The following GLIS1 variants were observed in gnomAD, a reference collection of about 807,000 sequenced individuals.
GLIS1 encodes the protein GLIS family zinc finger 1.
GLIS1 carries 24 observed loss-of-function variants against 63.8 expected under a neutral mutation model. That is an observed-to-expected ratio of 0.38 (90% CI 0.27 to 0.53). The LOEUF (loss-of-function observed/expected upper bound fraction) is 0.53, where lower values mean the gene tolerates loss of function less well. GLIS1 is among the 20% of genes least tolerant of loss of function. The pLI is 0.85. For synonymous variants in GLIS1, 450 were observed against 482.5 expected (o/e 0.93, Z 0.88); for missense variants, 1,036 against 1,074.1 (o/e 0.96, Z 0.50).
chr1:53,520,763 G>A lies in GLIS1; in HGVS notation c.1597C>T (p.His533Tyr). 2 of 1,603,818 alleles carry A rather than the reference G, an allele frequency of 1.2e-6. No individual in the cohort carries two copies. The highest frequency in any genetic ancestry group is 1.3e-5 in the African/African-American group (1 of 74,894). The change falls in exon 7 of 11, where the codon CAT becomes TAT. Residue 533 changes from histidine to tyrosine, a missense_variant. Physicochemically the swap from His to Tyr is moderately conservative, Grantham distance 83. Transcript: ENST00000628545. ...TCGGCCTCGGTGTCAGGGCCCGCAT[G>A]CAGCTGGGGAGCAAGCAGAGGGAAA... ...AKEQQVRKKL[H>Y]AGPDTEADVL...
At chr1:53,688,800 G>GGCT (rs1202249126) in intron 2 of GLIS1, 7 of 152,156 alleles carry the variant, frequency 4.6e-5, no homozygotes, top group African/African-American at 1.7e-4. Flanking sequence ...ATTCTAAAAG[G>GGCT]GCTGCACCAC....
chr1:53,516,365 G>A (rs1644352935), intron 7 of GLIS1, among the ~76,000 whole-genome samples: 1 of 152,182 alleles, frequency 6.6e-6, no homozygotes, highest in Non-Finnish European at 1.5e-5. Context: ...CAATTCAGGA[G>A]GCTGTTGCAG....
intron 8 of GLIS1, 148 bp downstream of exon 8, chr1:53,514,477 A>C: frequency 1.4e-6 from 1 of 735,360 alleles, no homozygotes; most frequent in Non-Finnish European, 2.2e-6. Context: ...AGTGTGTGGA[A>C]TGCAGTCTGC....
At chr1:53,732,519 T>C (rs899392821) in intron 2 of GLIS1, among the ~76,000 whole-genome samples, 4 of 152,014 alleles carry the variant, frequency 2.6e-5, no homozygotes, top group Non-Finnish European at 4.4e-5. Context: ...TGGCTGCTGA[T>C]AAACAAGAAG....
chr1:53,533,758 C>T (rs1343966409), intron 4 of GLIS1, among the ~76,000 whole-genome samples: 1 of 151,038 alleles, frequency 6.6e-6, no homozygotes, highest in African/African-American at 2.5e-5. Context: ...AGCTGGCTGC[C>T]AAGGTCCCTG....
chr1:53,609,266 C>CTTTTTTTTTTT (rs1221426769), intron 2 of GLIS1, among the ~76,000 whole-genome samples: 35 of 81,408 alleles, frequency 4.3e-4, no homozygotes, highest in Admixed American at 8.0e-4. Context: ...GGGTTTAAAT[C>CTTTTTTTTTTT]TTTTTTTTTT....
intron 2 of GLIS1, among the ~76,000 whole-genome samples, chr1:53,616,571 G>A (rs1434483170): frequency 6.6e-6 from 1 of 152,144 alleles, no homozygotes; most frequent in Admixed American, 6.5e-5. Context: ...AGGGTTGGGT[G>A]GGGGATGCCC....
At chr1:53,637,788 C>T (rs1645742480) in intron 2 of GLIS1, among the ~76,000 whole-genome samples, 1 of 152,130 alleles carries the variant, frequency 6.6e-6, no homozygotes, top group African/African-American at 2.4e-5. Flanking sequence ...CTTGTGAGCA[C>T]CTGCGCAGCT....
chr1:53,662,236 G>A (rs1291136893), intron 2 of GLIS1, among the ~76,000 whole-genome samples: 3 of 152,168 alleles, frequency 2.0e-5, no homozygotes, highest in African/African-American at 7.2e-5. Context: ...CGTGTGAGGA[G>A]CCACAGCGAG....
chr1:53,695,597 G>C (rs1646457011), intron 2 of GLIS1, among the ~76,000 whole-genome samples: 1 of 152,218 alleles, frequency 6.6e-6, no homozygotes, highest in Non-Finnish European at 1.5e-5. Context: ...CCGACCCTGG[G>C]CCTCTTCCCT....
At chr1:53,689,155 A>C (rs1012837421) in intron 2 of GLIS1, among the ~76,000 whole-genome samples, 12 of 152,244 alleles carry the variant, frequency 7.9e-5, no homozygotes, top group African/African-American at 1.7e-4. Flanking sequence ...CAGTTGGTCC[A>C]TGCACCTCAA....
intron 2 of GLIS1, among the ~76,000 whole-genome samples, chr1:53,643,234 G>A (rs902006352): frequency 3.7e-4 from 56 of 152,278 alleles, no homozygotes; most frequent in Middle Eastern, 3.4e-3. Context: ...ATTTACACTT[G>A]GGCCGCTTCT....
At chr1:53,631,926 A>T (rs1280375655) in intron 2 of GLIS1, among the ~76,000 whole-genome samples, 1 of 152,136 alleles carries the variant, frequency 6.6e-6, no homozygotes, top group East Asian at 1.9e-4. Flanking sequence ...AGAGCAAGAA[A>T]AAAAGGAGAG....
intron 2 of GLIS1, among the ~76,000 whole-genome samples, chr1:53,685,186 T>G (rs1380050644): frequency 6.6e-6 from 1 of 152,110 alleles, no homozygotes; most frequent in East Asian, 1.9e-4. Context: ...CCTCTGCCAA[T>G]GCCCAGCTCA....
In GLIS1 at chr1:53,574,458, G is replaced by T. The variant is rs1217928302; in HGVS notation, c.1320+19650C>A. 6.6e-6 allele frequency among the ~76,000 whole-genome samples: 1 copy of T among 152,132 alleles called. No homozygotes were observed. The highest frequency in any genetic ancestry group is 2.4e-5 in the African/African-American group (1 of 41,416). ...AGGGCCTCCCACGCAGTCTCCCCTG[G>T]GAGATTACCTGTATACTAATCCCCC... is the stretch of plus-strand genomic sequence containing the variant. On this transcript the variant is annotated intron_variant, in intron 4 of 10. Transcript: ENST00000628545. This position sits in a 1 kb window ranked among gnomAD's most constrained non-coding sequence, Gnocchi z 4.2.
intron 2 of GLIS1, among the ~76,000 whole-genome samples, chr1:53,679,556 G>C (rs1173854517): frequency 6.6e-6 from 1 of 152,160 alleles, no homozygotes; most frequent in Non-Finnish European, 1.5e-5. Flanking sequence ...TCCTGTTCGG[G>C]CCCCAGAAAG....
At chr1:53,514,069 C>T (rs558998329) in intron 8 of GLIS1, among the ~76,000 whole-genome samples, 2 of 152,336 alleles carry the variant, frequency 1.3e-5, no homozygotes, top group African/African-American at 2.4e-5. Context: ...AATTAAGTGG[C>T]CACAATGAGA....
intron 4 of GLIS1, among the ~76,000 whole-genome samples, chr1:53,565,591 G>A (rs979268544): frequency 2.0e-5 from 3 of 151,984 alleles, no homozygotes; most frequent in African/African-American, 7.2e-5. Flanking sequence ...ACTATGACTG[G>A]TTTTATGGCA....
intron 2 of GLIS1, among the ~76,000 whole-genome samples, chr1:53,656,106 C>T (rs997806487): frequency 3.9e-5 from 6 of 152,194 alleles, no homozygotes; most frequent in African/African-American, 1.4e-4. Context: ...TCAGCTTCCT[C>T]ATCCTCCTGC....
Sources: allele counts gnomAD v4.1 joint callset (sites outside exome capture counted in the v4.1 genomes callset), GRCh38; gene constraint gnomAD v4.1.1; non-coding constraint Gnocchi (gnomAD v3.1); transcripts MANE v1.5; gene names NCBI Gene and HGNC (gene_info 2026-07-23, HGNC 2026-07-21).